Variants in AJAP1 observed in about 807,000 individuals in gnomAD.
The protein encoded by AJAP1 is adherens junctions associated protein 1.
Under a neutral mutation model 35.0 loss-of-function variants are expected in AJAP1, and 5 were observed. The observed-to-expected ratio is 0.14, with a 90% CI of 0.07 to 0.30. The LOEUF is 0.30. Ranked by LOEUF, AJAP1 falls within the 10% of genes least tolerant of loss-of-function variation. AJAP1 has a pLI of 1.00. For missense variants in AJAP1, 586 were observed against 571.0 expected (o/e 1.03, Z -0.27); for synonymous variants, 284 against 249.3 (o/e 1.14, Z -1.31).
At chr1:4,666,304 G>C (rs10915580) in intron 1 of AJAP1, among the ~76,000 whole-genome samples, 118,776 of 152,032 alleles carry the variant, frequency 0.78, 47,113 homozygotes, top group African/African-American at 0.87. Context: ...TAGGAGTTGG[G>C]TCTGTGAAGC....
At chr1:4,681,643 T>C (rs1639485378) in intron 1 of AJAP1, among the ~76,000 whole-genome samples, 1 of 152,136 alleles carries the variant, frequency 6.6e-6, no homozygotes, top group Admixed American at 6.5e-5. Context: ...TATTTTTCCT[T>C]CTCATTCCGA....
chr1:4,711,741 A>T (rs560176275), intron 1 of AJAP1, among the ~76,000 whole-genome samples, 159 bp from the exon 2 acceptor site: 1 of 152,238 alleles, frequency 6.6e-6, no homozygotes, highest in African/African-American at 2.4e-5. Flanking sequence ...GAAGGAAAGG[A>T]AGGAAGGGTT....
At chr1:4,764,720 G>C (rs1354782129) in intron 2 of AJAP1, among the ~76,000 whole-genome samples, 1 of 152,134 alleles carries the variant, frequency 6.6e-6, no homozygotes, top group Non-Finnish European at 1.5e-5. Flanking sequence ...GCTGTGATAC[G>C]CACAGCAATG....
At chr1:4,745,616 A>G (rs1325616921) in intron 2 of AJAP1, among the ~76,000 whole-genome samples, 1 of 152,160 alleles carries the variant, frequency 6.6e-6, no homozygotes, top group African/African-American at 2.4e-5. Flanking sequence ...GGAATGAATT[A>G]TGCACACCTT....
At chr1:4,754,195 A>G (rs1341969103) in intron 2 of AJAP1, among the ~76,000 whole-genome samples, 1 of 152,098 alleles carries the variant, frequency 6.6e-6, no homozygotes, top group South Asian at 2.1e-4. Flanking sequence ...TTTGCAACAC[A>G]TGAAAGTTAT....
chr1:4,753,677 A>G (rs569894665), intron 2 of AJAP1, among the ~76,000 whole-genome samples: 12 of 152,238 alleles, frequency 7.9e-5, no homozygotes, highest in Admixed American at 7.2e-4. Flanking sequence ...GGTTCAAGGG[A>G]TTCTCCTGCC....
chr1:4,683,889 G>T (rs1639542946), intron 1 of AJAP1, among the ~76,000 whole-genome samples: 1 of 152,216 alleles, frequency 6.6e-6, no homozygotes, highest in Non-Finnish European at 1.5e-5. Context: ...CTTAGGGCAG[G>T]GGGCACTGAG....
chr1:4,766,031 C>T (rs1288843509), intron 2 of AJAP1, among the ~76,000 whole-genome samples: 3 of 152,190 alleles, frequency 2.0e-5, no homozygotes, highest in South Asian at 2.1e-4. Context: ...AAGCATTAAC[C>T]GATCATCCAA....
chr1:4,756,368 C>A (rs1370230012), intron 2 of AJAP1, among the ~76,000 whole-genome samples: 1 of 152,154 alleles, frequency 6.6e-6, no homozygotes, highest in Non-Finnish European at 1.5e-5. Flanking sequence ...GTGCCTGGGC[C>A]AGGTGTGCGG....
In AJAP1 at chr1:4,715,736, A is replaced by G. The variant is rs929921239; in HGVS notation, c.829+3037A>G. Among the ~76,000 whole-genome samples, 4 of 152,342 alleles carry G rather than the reference A, an allele frequency of 2.6e-5. No individual in the cohort carries two copies. The East Asian group carries it at 5.8e-4, about 22-fold the overall frequency. ...AACGGTTGCTGTGAGAGTTTAGTGG[A>G]TGAACACTGAGCATAAAATAAGGCA... On this transcript the variant is annotated intron_variant, in intron 2 of 5. Transcript: ENST00000378191.
chr1:4,684,248 C>T (rs1018912312), intron 1 of AJAP1, among the ~76,000 whole-genome samples: 1 of 152,194 alleles, frequency 6.6e-6, no homozygotes, highest in African/African-American at 2.4e-5. Context: ...GATAATTTTA[C>T]TCGGTGGAAA....
In AJAP1 at chr1:4,772,517, T is replaced by A; in HGVS notation, c.1155T>A (p.Asn385Lys). 6.2e-7 allele frequency: 1 copy of A among 1,613,816 alleles called. No homozygotes were observed. The highest frequency in any genetic ancestry group is 8.5e-7 in the Non-Finnish European group (1 of 1,179,788). ...STTGEYKSTFNGNRPSSSDRH... is the reference protein window; with the variant it reads ...STTGEYKSTFKGNRPSSSDRH... Reference sequence around the variant, plus strand: ...CGGGGGAGTACAAATCCACATTTAATGGAAACCGGTAAGCTCGGGCTCTGC... The same window carrying A: ...CGGGGGAGTACAAATCCACATTTAAAGGAAACCGGTAAGCTCGGGCTCTGC... The change falls in exon 4 of 6, where the codon AAT becomes AAA. Residue 385 changes from asparagine (N) to lysine (K), a missense_variant. By Grantham distance (94) the Asn-to-Lys change is moderately conservative (BLOSUM62 0). Transcript: ENST00000378191.
rs371047761 is a variant in AJAP1, at chr1:4,791,687, G to A, written c.*9202G>A. 2.6e-5 allele frequency: 4 copies of A among 152,298 alleles called. No individual in the cohort carries two copies. Among genetic ancestry groups the A allele is most frequent in the African/African-American group, 9.6e-5 (4 of 41,560 alleles). 9.4% of individuals were successfully genotyped at this position (152,298 alleles called of 1,614,324 possible). On this transcript the variant is annotated 3_prime_UTR_variant, in exon 6 of 6. Transcript: ENST00000378191. ...CAAGCATTGGCCATTGGGCGTATCT[G>A]GGCATTGGTATGGAATAAACAGGAT...
At chr1:4,713,946 G>C (rs1474314137) in intron 2 of AJAP1, among the ~76,000 whole-genome samples, 2 of 152,312 alleles carry the variant, frequency 1.3e-5, no homozygotes, top group East Asian at 3.9e-4. Flanking sequence ...ATGGCATCCA[G>C]GCCCTCTGCG....
chr1:4,738,600 AG>A (rs1222888938), intron 2 of AJAP1, among the ~76,000 whole-genome samples: 5 of 152,168 alleles, frequency 3.3e-5, no homozygotes, highest in Non-Finnish European at 7.3e-5. Flanking sequence ...GAGCCAGGGC[AG>A]GCCCCCCAGG....
intron 1 of AJAP1, among the ~76,000 whole-genome samples, chr1:4,711,605 G>T (rs989309): frequency 6.6e-6 from 1 of 152,078 alleles, no homozygotes; most frequent in African/African-American, 2.4e-5. Flanking sequence ...GTTTTCGCTC[G>T]CGTGAAATGG....
chr1:4,718,133 GT>G (rs1189997866), intron 2 of AJAP1, among the ~76,000 whole-genome samples: 1 of 152,122 alleles, frequency 6.6e-6, no homozygotes, highest in Non-Finnish European at 1.5e-5. Context: ...GAGTGCCGTG[GT>G]TCTGGGTGGT....
chr1:4,684,111 A>G (rs952715227), intron 1 of AJAP1, among the ~76,000 whole-genome samples: 5 of 152,138 alleles, frequency 3.3e-5, no homozygotes, highest in South Asian at 2.1e-4. Context: ...GCTCACCTCA[A>G]TGGATTTGGA....
intron 1 of AJAP1, among the ~76,000 whole-genome samples, chr1:4,690,562 C>T (rs888324570): frequency 6.6e-6 from 1 of 152,206 alleles, no homozygotes; most frequent in Non-Finnish European, 1.5e-5. Flanking sequence ...CTGCCCCTGT[C>T]TGGGAGAAAC....
Sources: allele counts gnomAD v4.1 joint callset (sites outside exome capture counted in the v4.1 genomes callset), GRCh38; gene constraint gnomAD v4.1.1; transcripts MANE v1.5; gene names NCBI Gene and HGNC (gene_info 2026-07-23, HGNC 2026-07-21).